Variants in SUPT6H observed in about 807,000 individuals in gnomAD.
SUPT6H encodes the protein SPT6 homolog, histone chaperone and transcription elongation factor.
SUPT6H carries 11 observed loss-of-function variants against 222.3 expected under a neutral mutation model. The observed-to-expected ratio is 0.05, with a 90% CI of 0.03 to 0.08. SUPT6H has a LOEUF of 0.08. Among genes scored for constraint, SUPT6H ranks in the 10% least tolerant of loss-of-function variants. The pLI, the probability that SUPT6H is intolerant of heterozygous loss-of-function variation, is 1.00. For synonymous variants in SUPT6H, 762 were observed against 801.2 expected, an observed-to-expected ratio of 0.95 and a Z score of 0.83; for missense variants, 1,422 against 2,216.0, an observed-to-expected ratio of 0.64 and a Z score of 7.19.
chr17:28,689,578 A>G lies in SUPT6H; in HGVS notation c.3342+17A>G. Reference sequence around the variant, plus strand: ...GAGAGGCAGGTAAGGGACAGCATGGAAGGCCCGGCAGGAGAACCCATCCCA... The same window carrying G: ...GAGAGGCAGGTAAGGGACAGCATGGGAGGCCCGGCAGGAGAACCCATCCCA... On this transcript the variant is annotated intron_variant, in intron 25 of 36. Coordinates refer to ENST00000314616, the MANE Select transcript of SUPT6H (RefSeq NM_003170.5). 6.2e-7 allele frequency: 1 copy of G among 1,612,846 alleles called. No homozygotes were observed. The highest frequency in any genetic ancestry group is 8.5e-7 in the Non-Finnish European group (1 of 1,179,680).
In SUPT6H at chr17:28,701,561, T is replaced by G; in HGVS notation, c.5117T>G (p.Ile1706Ser). Residue 1706 changes from isoleucine to serine, a missense_variant, in exon 37 of 37, where the codon ATC becomes AGC. Ile to Ser is a moderately radical substitution (Grantham distance 142, BLOSUM62 -2). Coordinates refer to ENST00000314616, the MANE Select transcript of SUPT6H (RefSeq NM_003170.5). ...LTPRPSPSPM[I>S]ESTPMSIAGD... ...CCTCGGCCCTCCCCCAGCCCCATGATCGAAAGCACCCCCATGTCCATTGCT... is the reference window on the plus strand; with the variant it reads ...CCTCGGCCCTCCCCCAGCCCCATGAGCGAAAGCACCCCCATGTCCATTGCT... The G allele has an allele frequency of 6.2e-7, 1 of 1,613,924 alleles. No homozygotes were observed. The highest frequency in any genetic ancestry group is 1.3e-5 in the African/African-American group (1 of 74,982).
chr17:28,683,217 G>T lies in SUPT6H; in HGVS notation c.1879-51G>T, dbSNP rs756456491. On this transcript the variant is annotated intron_variant, in intron 15 of 36. Coordinates refer to ENST00000314616, the MANE Select transcript of SUPT6H (RefSeq NM_003170.5). ...GCAGAAAGGCTGTCTTTTCTCCTGGGGCCTGGCCCAGCCCATCCGCAGGCT... is the reference window on the plus strand; with the variant it reads ...GCAGAAAGGCTGTCTTTTCTCCTGGTGCCTGGCCCAGCCCATCCGCAGGCT... 29 of 1,598,634 alleles carry T rather than the reference G, an allele frequency of 1.8e-5. No individual in the cohort carries two copies. The South Asian group carries it at 2.7e-4, about 15-fold the overall frequency.
intron 1 of SUPT6H, among the ~76,000 whole-genome samples, chr17:28,663,827 C>CCTTTTTTTTTTTTTTTTTTTTTTTTTTTT (rs1567681347): frequency 7.1e-4 from 6 of 8,402 alleles, no homozygotes; most frequent in Non-Finnish European, 1.2e-3. Context: ...CTGCCCACTC[C>CCTTTTTTTTTTTTTTTTTTTTTTTTTTTT]ATTTTTTTTT....
rs578122545 is a variant in SUPT6H, at chr17:28,672,393, C to T, written c.-31-978C>T. ...TATACAAGTCTGGTATAATTGCCTT[C>T]TTTTTCTTTTTTTCTTTTCTTTTTT... On this transcript the variant is annotated intron_variant, in intron 1 of 36. Coordinates refer to ENST00000314616, the MANE Select transcript of SUPT6H (RefSeq NM_003170.5). 5.9e-5 allele frequency among the ~76,000 whole-genome samples: 9 copies of T among 152,014 alleles called. No individual in the cohort carries two copies. The South Asian group carries it at 1.9e-3, about 32-fold the overall frequency.
At chr17:28,664,760 C>T (rs1307039426) in intron 1 of SUPT6H, among the ~76,000 whole-genome samples, 2 of 152,228 alleles carry the variant, frequency 1.3e-5, no homozygotes, top group Non-Finnish European at 2.9e-5. Flanking sequence ...TTGGTTTTCT[C>T]ATCATTGCAA....
chr17:28,678,259 T>G (rs2030877987), intron 9 of SUPT6H, 67 bp downstream of exon 9: 25 of 1,378,396 alleles, frequency 1.8e-5, no homozygotes, highest in East Asian at 2.3e-5. Context: ...AAAAGATAAT[T>G]ACCTAAATGA....
intron 10 of SUPT6H, 53 bp from the exon 11 acceptor site, chr17:28,678,768 T>C: frequency 1.2e-6 from 2 of 1,613,576 alleles, no homozygotes; most frequent in Non-Finnish European, 1.7e-6. Context: ...CAGAGCAGCC[T>C]TGAGTCTCCA....
rs2031155570 is a variant in SUPT6H at position 28,682,322 on chromosome 17, C to T, written c.1597+342C>T. ...ACTACCTGGTCCTGCTCATTTATGG[C>T]CTCTTTAAATTCCAGTGCTCTAGCT... On this transcript the variant is annotated intron_variant, in intron 13 of 36. Coordinates refer to ENST00000314616, the MANE Select transcript of SUPT6H (RefSeq NM_003170.5). 1.4e-5 allele frequency: 4 copies of T among 279,388 alleles called. No individual in the cohort carries two copies. The South Asian group carries it at 2.3e-4, about 16-fold the overall frequency. The allele number at this position is 279,388 out of a possible 1,614,324, so 17.3% of individuals were successfully genotyped here.
chr17:28,669,851 G>A (rs778932581), intron 1 of SUPT6H, among the ~76,000 whole-genome samples: 59 of 152,338 alleles, frequency 3.9e-4, no homozygotes, highest in East Asian at 7.7e-4. Context: ...CAAGAGAATC[G>A]CTTGAACCCA....
chr17:28,693,819 C>T lies in SUPT6H; in HGVS notation c.3757C>T (p.Pro1253Ser), dbSNP rs763557384. The T allele has an allele frequency of 6.2e-7, 1 of 1,614,056 alleles. No individual in the cohort carries two copies. The highest frequency in any genetic ancestry group is 8.5e-7 in the Non-Finnish European group (1 of 1,180,038). The change falls in exon 28 of 37, where the codon CCA (proline) becomes TCA (serine). Residue 1253 changes from proline to serine, a missense_variant. Transcript: ENST00000314616. Reference sequence around the variant, plus strand: ...CCTCAGTGACAAAGTGGTAAAGCGGCCAGAAGAACGAGTGAAGGTAGAGGA... The same window carrying T: ...CCTCAGTGACAAAGTGGTAAAGCGGTCAGAAGAACGAGTGAAGGTAGAGGA... Reference protein sequence around the residue: ...KFLSDKVVKRPEERVKVGMTV... With the variant: ...KFLSDKVVKRSEERVKVGMTV...
At chr17:28,700,650 C>A in intron 35 of SUPT6H, 138 bp downstream of exon 35, 1 of 1,222,506 alleles carries the variant, frequency 8.2e-7, no homozygotes, top group Non-Finnish European at 1.1e-6. Flanking sequence ...TATTTCTTGT[C>A]CTTAGGCCCA....
In SUPT6H at chr17:28,662,225, G is replaced by C. The variant is rs2072064227; in HGVS notation, c.-149G>C. On this transcript the variant is annotated 5_prime_UTR_variant, in exon 1 of 37. Coordinates refer to ENST00000314616, the MANE Select transcript of SUPT6H (RefSeq NM_003170.5). ...AGCACGTTGACGCAGCAGCGGCGGC[G>C]GTGGCGGCGGAGGGGCCGTGCGGTG... The C allele has an allele frequency of 4.5e-6, 1 of 220,134 alleles. No individual in the cohort carries two copies. Among genetic ancestry groups the C allele is most frequent in the African/African-American group, 2.3e-5 (1 of 43,940 alleles). The allele number at this position is 220,134 out of a possible 1,614,324, so 13.6% of individuals were successfully genotyped here. A position where few individuals can be genotyped will look rare whatever the true frequency, so the allele number is the denominator to read the frequency against.
At chr17:28,690,832 G>C (rs1178505927) in intron 26 of SUPT6H, 89 bp from the exon 27 acceptor site, 3 of 1,436,644 alleles carry the variant, frequency 2.1e-6, no homozygotes, top group Non-Finnish European at 2.8e-6. Flanking sequence ...TGGGAAGGAA[G>C]TCAGATATTC....
At chr17:28,700,651 C>G (rs912334116) in intron 35 of SUPT6H, 139 bp downstream of exon 35, 3 of 1,222,930 alleles carry the variant, frequency 2.5e-6, no homozygotes, top group Non-Finnish European at 2.2e-6. Flanking sequence ...ATTTCTTGTC[C>G]TTAGGCCCAT....
At chr17:28,669,613 G>T (rs1347195220) in intron 1 of SUPT6H, among the ~76,000 whole-genome samples, 2 of 152,166 alleles carry the variant, frequency 1.3e-5, no homozygotes, top group Non-Finnish European at 2.9e-5. Context: ...AAACCAGCCT[G>T]GCTAACATGG....
chr17:28,676,678 G>A (rs1050541428), intron 7 of SUPT6H, among the ~76,000 whole-genome samples: 1 of 152,152 alleles, frequency 6.6e-6, no homozygotes, highest in African/African-American at 2.4e-5. Flanking sequence ...TATAATCCCA[G>A]CACTTTAGGA....
chr17:28,695,469 G>A lies in SUPT6H; in HGVS notation c.3892G>A (p.Asp1298Asn). 1 of 1,614,152 alleles carries A rather than the reference G, an allele frequency of 6.2e-7. No homozygotes were observed. The highest frequency in any genetic ancestry group is 1.3e-5 in the African/African-American group (1 of 75,026). ...GAACAATGAGTGGAAGCTGCCCAAA[G>A]ACACCTACTATGACTTTGATGCTGA... ...DRNNEWKLPK[D>N]TYYDFDAEAA... Residue 1298 changes from aspartate (D) to asparagine (N), a missense_variant, in exon 29 of 37, where the codon GAC (aspartate) becomes AAC (asparagine). By Grantham distance (23) the Asp-to-Asn change is conservative. Transcript: ENST00000314616.
intron 1 of SUPT6H, among the ~76,000 whole-genome samples, chr17:28,665,486 G>T (rs1379241320): frequency 1.3e-5 from 2 of 152,162 alleles, no homozygotes; most frequent in Admixed American, 6.5e-5. Flanking sequence ...TGCCAGGCAT[G>T]GTGGTTCACG....
Position 28,702,162 on chromosome 17 carries a change from G to T in SUPT6H, c.*537G>T, listed in dbSNP as rs910007357. ...GGGAAGCACTGCCCAGCCCCTGCCT[G>T]GCTGCCCTTTCCCCCCTGCTGCTGC... is the stretch of plus-strand genomic sequence containing the variant. On this transcript the variant is annotated 3_prime_UTR_variant, in exon 37 of 37. Coordinates refer to ENST00000314616, the MANE Select transcript of SUPT6H (RefSeq NM_003170.5). 1.3e-5 allele frequency: 2 copies of T among 153,766 alleles called. No homozygotes were observed. Among genetic ancestry groups the T allele is most frequent in the Non-Finnish European group, 2.9e-5 (2 of 68,850 alleles). 9.5% of individuals were successfully genotyped at this position (153,766 alleles called of 1,614,324 possible). A position where few individuals can be genotyped will look rare whatever the true frequency, so the allele number is the denominator to read the frequency against.
Sources: gnomAD v4.1 joint callset for allele counts (sites outside exome capture counted in the v4.1 genomes callset) on GRCh38, gnomAD v4.1.1 for gene constraint, MANE v1.5 for transcripts, NCBI Gene and HGNC (gene_info 2026-07-23, HGNC 2026-07-21) for gene names.